MTERF4: variants seen among roughly 807,000 people sequenced by gnomAD.
MTERF4 encodes the protein transcription termination factor 4, mitochondrial.
In MTERF4, 17 loss-of-function variants were observed where a neutral mutation model predicts 22.5. The ratio of observed to expected loss-of-function variants is 0.75; its 90% CI spans 0.52 to 1.13. The LOEUF (loss-of-function observed/expected upper bound fraction) is 1.13, where lower values mean the gene tolerates loss of function less well. Among genes scored for constraint, MTERF4 ranks in the 50% most tolerant of loss-of-function variants. The pLI is 0.00. For missense variants in MTERF4, 420 were observed against 466.8 expected (o/e 0.90, Z 0.92); for synonymous variants, 165 against 175.3 (o/e 0.94, Z 0.47).
At chr2:241,089,947 A>G (rs2125345385), downstream of MTERF4, 1 of 1,543,814 alleles carries the variant, frequency 6.5e-7, no homozygotes, top group East Asian at 2.4e-5. Context: ...AACCTACAGT[A>G]AAAATAGATA....
chr2:241,052,723 ATAC>A, the MTERF4 span, among the ~76,000 whole-genome samples: 1 of 62,306 alleles, frequency 1.6e-5, no homozygotes, highest in Non-Finnish European at 3.0e-5. Flanking sequence ...GGTACATGGG[ATAC>A]CAGTGCCAGG....
chr2:241,056,728 C>G, the MTERF4 span, among the ~76,000 whole-genome samples: 1 of 151,744 alleles, frequency 6.6e-6, no homozygotes, highest in Non-Finnish European at 1.5e-5. Flanking sequence ...CTACAGGCGC[C>G]CATCACCACG....
chr2:241,091,697 T>C (rs2064018847), downstream of MTERF4: 1 of 152,244 alleles, frequency 6.6e-6, no homozygotes, highest in African/African-American at 2.4e-5. This position sits in a 1 kb window ranked among gnomAD's most constrained non-coding sequence, Gnocchi z 4.1. Context: ...CCCAGGAAGA[T>C]GAGGTCTAAA....
In MTERF4 at chr2:241,075,331, C is replaced by T. The variant is rs1367001701; in HGVS notation, n.831G>A. ...CTAAGAGGCGATAGCAGTCTGCGCT[C>T]CCTCCAGCAGTGATGAAGACATGCA... On this transcript the variant is annotated non_coding_transcript_exon_variant, in exon 5 of 5. Transcript: ENST00000464344. The surrounding 1 kb of genome is among the most constrained non-coding windows in gnomAD (Gnocchi z 4.8). 2 of 152,172 alleles carry T rather than the reference C, an allele frequency of 1.3e-5. No homozygotes were observed. Among genetic ancestry groups the T allele is most frequent in the Non-Finnish European group, 2.9e-5 (2 of 68,048 alleles). The allele number at this position is 152,172 out of a possible 1,614,324, so 9.4% of individuals were successfully genotyped here. A position where few individuals can be genotyped will look rare whatever the true frequency, so the allele number is the denominator to read the frequency against.
the MTERF4 span, chr2:241,053,266 C>A: frequency 1.9e-6 from 3 of 1,604,046 alleles, no homozygotes; most frequent in Non-Finnish European, 1.7e-6. Context: ...CCTGAGCGCC[C>A]CCAGCCGCAT....
the MTERF4 span, among the ~76,000 whole-genome samples, chr2:241,043,867 T>A: frequency 6.6e-6 from 1 of 152,200 alleles, no homozygotes; most frequent in African/African-American, 2.4e-5. Context: ...AACTGTACTT[T>A]TAAAAATTGA....
downstream of MTERF4, chr2:241,071,531 A>AGG (rs756979829): frequency 9.6e-6 from 15 of 1,556,222 alleles, no homozygotes; most frequent in Non-Finnish European, 1.3e-5. Flanking sequence ...GGACAGGAGC[A>AGG]GAGGGCAGCC....
At chr2:241,100,077 G>A in intron 1 of MTERF4, 183 bp from the exon 2 acceptor site, 1 of 671,584 alleles carries the variant, frequency 1.5e-6, no homozygotes, top group Non-Finnish European at 2.4e-6. Flanking sequence ...AAAGAACAGG[G>A]TATTTCAAGG....
intron 1 of MTERF4, among the ~76,000 whole-genome samples, chr2:241,101,655 G>A (rs1258578260): frequency 1.3e-5 from 2 of 152,244 alleles, no homozygotes; most frequent in Non-Finnish European, 2.9e-5. Flanking sequence ...CAGCGGGCGC[G>A]GCCCGTGGAA....
rs529202926 is a variant in MTERF4, at chr2:241,099,566, C to T, written c.350G>A (p.Arg117Gln). 2.0e-5 allele frequency: 33 copies of T among 1,614,090 alleles called. No individual in the cohort carries two copies. Among genetic ancestry groups the T allele is most frequent in the Admixed American group, 1.0e-4 (6 of 60,006 alleles). ...CAGCAACTGTTGAAGACTGGCACCT[C>T]GCCGTACACTGAGCAATTCATTAAT... ...AHINELLSVR[R>Q]GASLQQLLDI... The change falls in exon 2 of 4, where the codon CGA becomes CAA. Residue 117 changes from arginine to glutamine, a missense_variant. Transcript: ENST00000391980.
chr2:241,089,965 T>C (rs1370901922), downstream of MTERF4: 24 of 1,545,782 alleles, frequency 1.6e-5, no homozygotes, highest in Non-Finnish European at 2.0e-5. Context: ...ATATAAAAGA[T>C]AAAAAATGGT....
At chr2:241,069,976 G>A (rs565348526), downstream of MTERF4, 32 of 1,612,962 alleles carry the variant, frequency 2.0e-5, no homozygotes, top group East Asian at 6.7e-5. The surrounding 1 kb of genome is among the most constrained non-coding windows in gnomAD (Gnocchi z 4.9). Flanking sequence ...CTCTGCCCAC[G>A]TGGTCTGGGA....
the MTERF4 span, among the ~76,000 whole-genome samples, chr2:241,060,621 G>T: frequency 2.0e-5 from 3 of 149,950 alleles, no homozygotes; most frequent in Non-Finnish European, 2.9e-5. Context: ...AATCCAGGTG[G>T]ATTAAAGACC....
At chr2:241,087,960 CAT>C (rs2063671315), downstream of MTERF4, 1 of 405,946 alleles carries the variant, frequency 2.5e-6, no homozygotes, top group African/African-American at 2.0e-5. Context: ...TCATCGTCCT[CAT>C]AGACCAATGA....
chr2:241,100,092 A>G (rs2064636503), intron 1 of MTERF4, 198 bp from the exon 2 acceptor site: 2 of 592,724 alleles, frequency 3.4e-6, no homozygotes, highest in South Asian at 2.5e-5. Context: ...TCAAGGCCAC[A>G]GAGATGGGAG....
chr2:241,069,093 T>A, downstream of MTERF4: 1 of 1,045,366 alleles, frequency 9.6e-7, no homozygotes, highest in South Asian at 1.5e-5. This position sits in a 1 kb window ranked among gnomAD's most constrained non-coding sequence, Gnocchi z 4.9. Flanking sequence ...CCTTCCAGCC[T>A]CCCCTAGTCC....
chr2:241,087,090 C>T (rs1247136455), downstream of MTERF4: 2 of 308,626 alleles, frequency 6.5e-6, no homozygotes, highest in Admixed American at 5.1e-5. Context: ...CTAGCACTGA[C>T]ATGTCTTTGA....
chr2:241,091,591 GAATGCC>G (rs1268239811), downstream of MTERF4: 4 of 152,212 alleles, frequency 2.6e-5, no homozygotes, highest in Admixed American at 6.5e-5. The surrounding 1 kb of genome is among the most constrained non-coding windows in gnomAD (Gnocchi z 4.1). Context: ...AGAGGAGTGG[GAATGCC>G]TGTCATTCTC....
intron 1 of MTERF4, chr2:241,101,143 T>C: frequency 2.2e-6 from 1 of 462,596 alleles, no homozygotes. Context: ...TAATATAAGA[T>C]GAAATAATTA....
Sources: allele counts gnomAD v4.1 joint callset (sites outside exome capture counted in the v4.1 genomes callset), GRCh38; gene constraint gnomAD v4.1.1; non-coding constraint Gnocchi (gnomAD v3.1); transcripts MANE v1.5; gene names NCBI Gene and HGNC (gene_info 2026-07-23, HGNC 2026-07-21).